The following TPRG1 variants were observed in gnomAD, a reference collection of about 807,000 sequenced individuals.
TPRG1 encodes the protein tumor protein p63-regulated gene 1 protein.
Under a neutral mutation model 29.3 loss-of-function variants are expected in TPRG1, and 29 were observed. That is an observed-to-expected ratio of 0.99 (90% CI 0.74 to 1.35). The LOEUF is 1.35. Among genes scored for constraint, TPRG1 ranks in the 40% most tolerant of loss-of-function variants. TPRG1 has a pLI of 0.00. For missense variants in TPRG1, 327 were observed against 335.0 expected (o/e 0.98, Z 0.19); for synonymous variants, 130 against 116.8 (o/e 1.11, Z -0.73).
At chr3:189,143,891 C>A (rs1046773584) in intron 3 of TPRG1, among the ~76,000 whole-genome samples, 3 of 152,022 alleles carry the variant, frequency 2.0e-5, no homozygotes, top group African/African-American at 7.2e-5. Flanking sequence ...GAAGCTTGGG[C>A]CTCTCTCTCC....
At chr3:189,018,265 T>C (rs1432590863) in intron 3 of TPRG1, among the ~76,000 whole-genome samples, 2 of 146,772 alleles carry the variant, frequency 1.4e-5, no homozygotes, top group Non-Finnish European at 3.0e-5. Flanking sequence ...TTGGCTTTTG[T>C]TGCCATTGCT....
intron 4 of TPRG1, among the ~76,000 whole-genome samples, chr3:189,300,339 C>T (rs549574297): frequency 3.3e-5 from 5 of 152,282 alleles, no homozygotes; most frequent in Admixed American, 6.5e-5. Flanking sequence ...GATGTCTTAG[C>T]GCATTGCCTG....
intron 3 of TPRG1, among the ~76,000 whole-genome samples, chr3:189,226,957 C>G (rs965344809): frequency 6.6e-6 from 1 of 151,842 alleles, no homozygotes; most frequent in Non-Finnish European, 1.5e-5. Flanking sequence ...TTTGACAACT[C>G]AGATGAAACA....
chr3:189,268,890 G>C (rs1357388316), intron 4 of TPRG1, among the ~76,000 whole-genome samples: 1 of 152,204 alleles, frequency 6.6e-6, no homozygotes, highest in South Asian at 2.1e-4. Context: ...GCTTTAGGGT[G>C]CTCTTTGTTC....
chr3:189,040,114 G>A (rs1714538666), intron 4 of TPRG1, among the ~76,000 whole-genome samples: 1 of 152,042 alleles, frequency 6.6e-6, no homozygotes, highest in Non-Finnish European at 1.5e-5. Flanking sequence ...TATAACTCTT[G>A]GACCTAGCTT....
chr3:189,191,114 T>G, intron 1 of TPRG1: 15 of 249,488 alleles, frequency 6.0e-5, no homozygotes, highest in Non-Finnish European at 9.5e-5. Context: ...ATGACCATAT[T>G]TATACACATA....
chr3:189,311,469 A>C (rs576454804), intron 5 of TPRG1, among the ~76,000 whole-genome samples: 2 of 152,266 alleles, frequency 1.3e-5, no homozygotes, highest in African/African-American at 4.8e-5. Flanking sequence ...GCAAGTGTAA[A>C]TATATATGTA....
chr3:189,176,931 G>C (rs1729563031), intron 1 of TPRG1, among the ~76,000 whole-genome samples: 1 of 152,250 alleles, frequency 6.6e-6, no homozygotes, highest in Non-Finnish European at 1.5e-5. Context: ...GCTATTTGCA[G>C]ATTTGAGCAG....
At chr3:189,277,146 G>T (rs1336985063) in intron 4 of TPRG1, among the ~76,000 whole-genome samples, 1 of 152,110 alleles carries the variant, frequency 6.6e-6, no homozygotes. Flanking sequence ...GAAATGTGCA[G>T]CCATGTGGCT....
chr3:189,019,863 G>T (rs1251058765), intron 3 of TPRG1, among the ~76,000 whole-genome samples: 1 of 149,916 alleles, frequency 6.7e-6, no homozygotes, highest in East Asian at 2.0e-4. Context: ...ATCTGGTCCT[G>T]GACTCTTTTT....
At chr3:189,284,352 C>A (rs868077696) in intron 4 of TPRG1, among the ~76,000 whole-genome samples, 6 of 119,704 alleles carry the variant, frequency 5.0e-5, no homozygotes, top group Admixed American at 9.0e-5. Flanking sequence ...CCCTCCCCCC[C>A]CCTCCCCCCA....
At chr3:189,138,083 A>G (rs950516909) in intron 3 of TPRG1, among the ~76,000 whole-genome samples, 1 of 152,208 alleles carries the variant, frequency 6.6e-6, no homozygotes, top group East Asian at 1.9e-4. Flanking sequence ...ATTATCACAT[A>G]ATAATGGGCA....
chr3:189,232,145 A>C (rs1432178989), intron 3 of TPRG1, among the ~76,000 whole-genome samples: 1 of 152,172 alleles, frequency 6.6e-6, no homozygotes, highest in Non-Finnish European at 1.5e-5. Flanking sequence ...CTTACTAAAG[A>C]GAAAAAGTAG....
intron 4 of TPRG1, among the ~76,000 whole-genome samples, chr3:189,053,436 A>T (rs1410107031): frequency 3.0e-4 from 45 of 152,178 alleles, no homozygotes. Flanking sequence ...GAAACCAAAC[A>T]TTTGGGCTCC....
At chr3:189,303,966 G>A (rs16864196) in intron 4 of TPRG1, among the ~76,000 whole-genome samples, 14,485 of 152,126 alleles carry the variant, frequency 0.095, 861 homozygotes, top group East Asian at 0.19. Context: ...ACTCTCACTT[G>A]ATCTAAATTC....
intron 4 of TPRG1, among the ~76,000 whole-genome samples, chr3:189,244,566 C>T (rs1359554386): frequency 6.6e-6 from 1 of 151,998 alleles, no homozygotes; most frequent in African/African-American, 2.4e-5. Context: ...GGAGCAGGAG[C>T]AAGAGAGAAA....
intron 1 of TPRG1, among the ~76,000 whole-genome samples, chr3:189,182,566 T>G (rs1415254576): frequency 1.3e-5 from 2 of 152,172 alleles, no homozygotes; most frequent in African/African-American, 4.8e-5. Flanking sequence ...AATTTGGCCA[T>G]GTATACCAAG....
chr3:189,280,133 C>T (rs1267394811), intron 4 of TPRG1, among the ~76,000 whole-genome samples: 2 of 152,092 alleles, frequency 1.3e-5, no homozygotes, highest in African/African-American at 4.8e-5. Flanking sequence ...TATCTCATAT[C>T]AGCACCTGTT....
At chr3:189,307,291 T>C (rs1721782131) in intron 4 of TPRG1, among the ~76,000 whole-genome samples, 1 of 152,218 alleles carries the variant, frequency 6.6e-6, no homozygotes, top group Non-Finnish European at 1.5e-5. Flanking sequence ...TCCAAAGTGC[T>C]GGGATTACAG....
Sources: allele counts gnomAD v4.1 joint callset (sites outside exome capture counted in the v4.1 genomes callset), GRCh38; gene constraint gnomAD v4.1.1; transcripts MANE v1.5; gene names NCBI Gene and HGNC (gene_info 2026-07-23, HGNC 2026-07-21).